CHST15: variants seen among roughly 807,000 people sequenced by gnomAD.
The protein encoded by CHST15 is carbohydrate sulfotransferase 15.
CHST15 carries 30 observed loss-of-function variants against 53.6 expected under a neutral mutation model. That is an observed-to-expected ratio of 0.56 (90% CI 0.42 to 0.76). CHST15 has a LOEUF of 0.76. Among genes scored for constraint, CHST15 ranks in the 30% least tolerant of loss-of-function variants. The pLI is 0.00. For missense variants in CHST15, 627 were observed against 740.5 expected, an observed-to-expected ratio of 0.85 and a Z score of 1.78; for synonymous variants, 296 against 289.8, an observed-to-expected ratio of 1.02 and a Z score of -0.22.
intron 1 of CHST15, among the ~76,000 whole-genome samples, chr10:124,089,821 T>A (rs1949550609): frequency 6.6e-6 from 1 of 152,052 alleles, no homozygotes; most frequent in South Asian, 2.1e-4. Context: ...CTTGTCCCCA[T>A]CCCATGAGGG....
rs1946391912 is a variant in CHST15 at position 124,010,845 on chromosome 10, A to G, written c.1496-506T>C. 4 of 985,392 alleles carry G rather than the reference A, an allele frequency of 4.1e-6. No homozygotes were observed. In the South Asian group the frequency reaches 1.9e-4, roughly 46 times the overall value. The allele number at this position is 985,392 out of a possible 1,614,324, so 61.0% of individuals were successfully genotyped here. ...GTGCGTCTTGCTGTGAAGTGGCCAT[A>G]GGGAGGAGGGCTGGGAGGAGGCCAC... On this transcript the variant is annotated intron_variant, in intron 7 of 7. Transcript: ENST00000435907.
intron 5 of CHST15, among the ~76,000 whole-genome samples, chr10:124,021,885 C>T (rs779797278): frequency 2.0e-5 from 3 of 152,134 alleles, no homozygotes; most frequent in East Asian, 1.9e-4. Flanking sequence ...ACTTTGCATA[C>T]GCATTCCTGA....
intron 5 of CHST15, among the ~76,000 whole-genome samples, chr10:124,025,590 T>C (rs1011540623): frequency 1.3e-5 from 2 of 152,130 alleles, no homozygotes; most frequent in African/African-American, 2.4e-5. Context: ...CTGGATTCCG[T>C]AGTTGGATGG....
chr10:124,064,077 G>C (rs1948677895), intron 1 of CHST15, among the ~76,000 whole-genome samples: 2 of 152,266 alleles, frequency 1.3e-5, no homozygotes, highest in South Asian at 4.1e-4. Flanking sequence ...ATTAATCACA[G>C]AAGAGTGGAA....
At chr10:124,021,235 A>T in intron 6 of CHST15, 21 bp downstream of exon 6, 3 of 242,734 alleles carry the variant, frequency 1.2e-5, no homozygotes, top group Non-Finnish European at 2.2e-5. Flanking sequence ...CTCGGGGGGT[A>T]CGGGGGGGGG....
At chr10:124,050,398 G>C (rs1948149661) in intron 1 of CHST15, among the ~76,000 whole-genome samples, 1 of 152,214 alleles carries the variant, frequency 6.6e-6, no homozygotes. Context: ...TAAAGAAAAG[G>C]GGGAGAGAGC....
intron 4 of CHST15, 112 bp downstream of exon 4, chr10:124,042,189 G>T: frequency 9.0e-7 from 1 of 1,107,434 alleles, no homozygotes; most frequent in Non-Finnish European, 1.3e-6. Flanking sequence ...AAAGAAGTTT[G>T]CTGCCACCAT....
intron 5 of CHST15, among the ~76,000 whole-genome samples, chr10:124,022,114 T>C (rs545639868): frequency 2.0e-5 from 3 of 152,296 alleles, no homozygotes. Flanking sequence ...CTCCTCTGTA[T>C]CCTCCTCCCA....
intron 2 of CHST15, 143 bp downstream of exon 2, chr10:124,045,524 C>A: frequency 1.2e-6 from 1 of 864,162 alleles, no homozygotes; most frequent in Non-Finnish European, 1.8e-6. Flanking sequence ...CATTCAAATC[C>A]ATAAGGCTGT....
intron 1 of CHST15, among the ~76,000 whole-genome samples, chr10:124,062,035 A>G (rs1204662882): frequency 6.6e-6 from 1 of 151,130 alleles, no homozygotes; most frequent in Admixed American, 6.6e-5. Flanking sequence ...AAACCCTTCT[A>G]TTACCATTCA....
At chr10:124,085,858 G>A (rs117271291) in intron 1 of CHST15, among the ~76,000 whole-genome samples, 2,214 of 152,264 alleles carry the variant, frequency 0.015, 72 homozygotes, top group East Asian at 0.12. Context: ...TGGGGGTGGG[G>A]GGCTCGATGA....
chr10:124,020,296 A>C (rs957703208), intron 6 of CHST15: 2 of 985,398 alleles, frequency 2.0e-6, no homozygotes, highest in Admixed American at 1.2e-4. Context: ...CAAATGGCCA[A>C]GCTGGAAACC....
In CHST15 at chr10:124,038,637, A is replaced by G. The variant is rs1031240601; in HGVS notation, c.1068T>C (p.Asn356=). The G allele has an allele frequency of 2.5e-6, 4 of 1,614,054 alleles. No individual in the cohort carries two copies. Among genetic ancestry groups the G allele is most frequent in the African/African-American group, 1.3e-5 (1 of 74,936 alleles). Residue 356 remains asparagine (N), a synonymous_variant, in exon 5 of 8, where the codon AAT becomes AAC. Transcript: ENST00000435907. ...EASASTMWDN[N]AWTFFYDNST... ...TGTTGTCGTAGAAGAACGTCCAGGC[A>G]TTATTATCCCACATCGTGGAGGCAC...
chr10:124,015,214 T>C (rs1053422311), intron 6 of CHST15, among the ~76,000 whole-genome samples: 8 of 151,802 alleles, frequency 5.3e-5, no homozygotes, highest in African/African-American at 1.7e-4. Context: ...CCCCAGCAGA[T>C]TTTTTTTCCC....
At chr10:124,080,793 T>C (rs940225292) in intron 1 of CHST15, among the ~76,000 whole-genome samples, 1 of 152,226 alleles carries the variant, frequency 6.6e-6, no homozygotes, top group Non-Finnish European at 1.5e-5. Flanking sequence ...CCCTGCACTA[T>C]GGGTCAAAGT....
In CHST15 at chr10:124,044,708, A is replaced by G; in HGVS notation, c.758T>C (p.Leu253Pro). Residue 253 changes from leucine (L) to proline (P), a missense_variant, in exon 3 of 8, where the codon CTG becomes CCG. This residue lies in a region of CHST15 where 161 missense variants were observed against 117.2 expected (regional missense o/e 1.37). Transcript: ENST00000435907. ...AHGKHFRLRC[L>P]PHFYIIGQPK... ...CTGCCCTATGATGTAGAAGTGCGGC[A>G]GGCAGCGCAGGCGGAAGTGCTTCCC... is the stretch of plus-strand genomic sequence containing the variant. The G allele has an allele frequency of 1.9e-6, 3 of 1,613,888 alleles. No individual in the cohort carries two copies. The highest frequency in any genetic ancestry group is 2.5e-6 in the Non-Finnish European group (3 of 1,179,928).
chr10:124,027,598 A>C lies in CHST15; in HGVS notation c.1191-6186T>G, dbSNP rs941486869. Among the ~76,000 whole-genome samples, 70 of 152,130 alleles carry C rather than the reference A, an allele frequency of 4.6e-4. 1 individual carries two copies. Among genetic ancestry groups the C allele is most frequent in the African/African-American group, 1.6e-3 (66 of 41,432 alleles). On this transcript the variant is annotated intron_variant, in intron 5 of 7. Transcript: ENST00000435907. ...TTGCTTTCCGGGTTTAGTACCTGCAATGTTCTCAGTTTCCACTCCTGATGT... is the reference window on the plus strand; with the variant it reads ...TTGCTTTCCGGGTTTAGTACCTGCACTGTTCTCAGTTTCCACTCCTGATGT...
At chr10:124,080,355 C>T (rs1293905059) in intron 1 of CHST15, among the ~76,000 whole-genome samples, 1 of 152,240 alleles carries the variant, frequency 6.6e-6, no homozygotes, top group Non-Finnish European at 1.5e-5. Flanking sequence ...ACCCTCTGAA[C>T]ATTCAAGAAT....
intron 1 of CHST15, among the ~76,000 whole-genome samples, chr10:124,078,684 A>T (rs1441865547): frequency 6.6e-6 from 1 of 152,256 alleles, no homozygotes. Flanking sequence ...TGTCAATTGG[A>T]AGGGATTGAA....
Sources: gnomAD v4.1 joint callset for allele counts (sites outside exome capture counted in the v4.1 genomes callset) on GRCh38, gnomAD v4.1.1 for gene constraint, gnomAD v4.1.1 regional missense constraint, MANE v1.5 for transcripts, NCBI Gene and HGNC (gene_info 2026-07-23, HGNC 2026-07-21) for gene names.